The following PRKAR2B variants were observed in gnomAD, a reference collection of about 807,000 sequenced individuals.
PRKAR2B encodes protein kinase cAMP-dependent type II regulatory subunit beta.
PRKAR2B carries 14 observed loss-of-function variants against 49.9 expected under a neutral mutation model. That is an observed-to-expected ratio of 0.28 (90% confidence interval 0.19 to 0.44). PRKAR2B has a LOEUF of 0.44. Ranked by LOEUF, PRKAR2B falls within the 20% of genes least tolerant of loss-of-function variation. The pLI, the probability that PRKAR2B is intolerant of heterozygous loss-of-function variation, is 1.00. For synonymous variants in PRKAR2B, 196 were observed against 197.7 expected (o/e 0.99, Z 0.07); for missense variants, 393 against 537.9 (o/e 0.73, Z 2.67).
chr7:107,112,174 TAAAAAAAAAAAAAAAAA>T (rs749209141), intron 2 of PRKAR2B, among the ~76,000 whole-genome samples: 2 of 44,800 alleles, frequency 4.5e-5, no homozygotes, highest in South Asian at 8.3e-4. Context: ...ACTGTGTCTC[TAAAAAAAAAAAAAAAAA>T]AAAAAAAAAG....
intron 1 of PRKAR2B, chr7:107,066,815 A>G: frequency 6.6e-6 from 1 of 151,898 alleles, no homozygotes; most frequent in East Asian, 1.9e-4. Flanking sequence ...ACTTCAGGTG[A>G]TCTGCCTACC....
intron 2 of PRKAR2B, among the ~76,000 whole-genome samples, chr7:107,099,749 C>T (rs561507177): frequency 6.6e-6 from 1 of 151,872 alleles, no homozygotes; most frequent in Non-Finnish European, 1.5e-5. Context: ...TGCCATTCTC[C>T]TTAGCCTCCT....
intron 3 of PRKAR2B, among the ~76,000 whole-genome samples, chr7:107,122,757 A>C (rs1447415293): frequency 1.3e-5 from 2 of 152,196 alleles, no homozygotes; most frequent in African/African-American, 4.8e-5. Flanking sequence ...AGAAGCAGCT[A>C]CTACGTCCCT....
At chr7:107,062,536 C>T (rs751214964) in intron 1 of PRKAR2B, among the ~76,000 whole-genome samples, 1 of 152,124 alleles carries the variant, frequency 6.6e-6, no homozygotes, top group South Asian at 2.1e-4. Context: ...GAAATCCTAA[C>T]AAGTAATTGC....
chr7:107,143,366 A>G (rs1795823771), intron 5 of PRKAR2B, among the ~76,000 whole-genome samples: 1 of 152,214 alleles, frequency 6.6e-6, no homozygotes, highest in South Asian at 2.1e-4. Context: ...GCAGGCACAC[A>G]ACAGCTTATT....
chr7:107,068,476 G>T (rs924130602), intron 1 of PRKAR2B: 4 of 152,086 alleles, frequency 2.6e-5, no homozygotes, highest in African/African-American at 7.2e-5. Context: ...CAAAAAAGGG[G>T]TTTGAAAACT....
intron 2 of PRKAR2B, among the ~76,000 whole-genome samples, chr7:107,114,902 A>C (rs1259614586): frequency 6.6e-6 from 1 of 152,170 alleles, no homozygotes; most frequent in African/African-American, 2.4e-5. Context: ...ATAAAAAGGA[A>C]TTAGTAAATT....
At chr7:107,084,337 G>A (rs1794574671) in intron 2 of PRKAR2B, among the ~76,000 whole-genome samples, 1 of 151,952 alleles carries the variant, frequency 6.6e-6, no homozygotes, top group Non-Finnish European at 1.5e-5. Flanking sequence ...GTCAATCTGA[G>A]TGATTCAGAT....
rs543727040 is a variant in PRKAR2B, at chr7:107,058,776, A to G, written c.308-11505A>G. ...ATTTTAGGAGCACATTTTACATTAA[A>G]GTACATTTTGAACTAATTTGGTTGG... is the stretch of plus-strand genomic sequence containing the variant. On this transcript the variant is annotated intron_variant, in intron 1 of 10. Transcript: ENST00000265717. Among the ~76,000 whole-genome samples, 216 of 152,384 alleles carry G rather than the reference A, an allele frequency of 1.4e-3. 1 individual carries two copies. Among genetic ancestry groups the G allele is most frequent in the South Asian group, 2.9e-3 (14 of 4,834 alleles).
chr7:107,161,262 GT>G lies in PRKAR2B; in HGVS notation c.*1681del, dbSNP rs1796192985. 1 of 152,258 alleles carries G rather than the reference GT, an allele frequency of 6.6e-6. No individual in the cohort carries two copies. The highest frequency in any genetic ancestry group is 1.5e-5 in the Non-Finnish European group (1 of 68,028). The allele number at this position is 152,258 out of a possible 1,614,324, so 9.4% of individuals were successfully genotyped here. A position where few individuals can be genotyped will look rare whatever the true frequency, so the allele number is the denominator to read the frequency against. On this transcript the variant is annotated 3_prime_UTR_variant, in exon 11 of 11. Coordinates refer to ENST00000265717, the MANE Select transcript of PRKAR2B (RefSeq NM_002736.3). ...TTTCAGATTTTATTTTAAAAGCCAT[GT>G]CTGTTAAACAAGAAAAAACACAAAA...
intron 1 of PRKAR2B, among the ~76,000 whole-genome samples, chr7:107,055,665 A>AT (rs1163988654): frequency 1.3e-5 from 2 of 151,836 alleles, no homozygotes; most frequent in African/African-American, 4.8e-5. Context: ...GGGTTGGTTG[A>AT]TTTTTTCTTG....
At chr7:107,144,523 CA>C (rs1213856398) in intron 5 of PRKAR2B, among the ~76,000 whole-genome samples, 25 of 152,058 alleles carry the variant, frequency 1.6e-4, no homozygotes, top group Non-Finnish European at 2.6e-4. Context: ...TGCAGTGGTG[CA>C]GTCACAGCTC....
intron 2 of PRKAR2B, among the ~76,000 whole-genome samples, chr7:107,115,723 T>G (rs1189177018): frequency 6.6e-6 from 1 of 152,194 alleles, no homozygotes; most frequent in East Asian, 1.9e-4. Flanking sequence ...CAAATGGTTT[T>G]TTTGATAGTC....
At chr7:107,074,834 GGTA>G (rs879819977) in intron 2 of PRKAR2B, among the ~76,000 whole-genome samples, 20 of 151,890 alleles carry the variant, frequency 1.3e-4, no homozygotes, top group Admixed American at 3.3e-4. Context: ...ATTTAGTGGT[GGTA>G]GTAGTAGTAG....
intron 1 of PRKAR2B, among the ~76,000 whole-genome samples, chr7:107,059,393 C>A (rs1793981883): frequency 6.6e-6 from 1 of 152,154 alleles, no homozygotes; most frequent in Non-Finnish European, 1.5e-5. Context: ...TAACCACCAC[C>A]ATGATGCATT....
chr7:107,094,880 A>C (rs1794805729), intron 2 of PRKAR2B, among the ~76,000 whole-genome samples: 3 of 152,006 alleles, frequency 2.0e-5, no homozygotes, highest in East Asian at 1.9e-4. Flanking sequence ...TGTTTTGGTA[A>C]CAGTACCATG....
At chr7:107,053,867 G>C (rs974994802) in intron 1 of PRKAR2B, among the ~76,000 whole-genome samples, 1 of 152,116 alleles carries the variant, frequency 6.6e-6, no homozygotes, top group Non-Finnish European at 1.5e-5. Context: ...CTAAAGTTTA[G>C]AATAGTTGAA....
chr7:107,107,428 C>G (rs1006377158), intron 2 of PRKAR2B, among the ~76,000 whole-genome samples: 2 of 151,972 alleles, frequency 1.3e-5, no homozygotes, highest in Admixed American at 6.5e-5. Context: ...AAATTAGTTT[C>G]TTTTTAAGCG....
At chr7:107,154,536 G>T (rs1314635488) in intron 8 of PRKAR2B, among the ~76,000 whole-genome samples, 3 of 152,104 alleles carry the variant, frequency 2.0e-5, no homozygotes, top group Non-Finnish European at 4.4e-5. Context: ...TATACTTAGG[G>T]TTTATTAAGG....
Sources: gnomAD v4.1 joint callset for allele counts (sites outside exome capture counted in the v4.1 genomes callset) on GRCh38, gnomAD v4.1.1 for gene constraint, MANE v1.5 for transcripts, NCBI Gene and HGNC (gene_info 2026-07-23, HGNC 2026-07-21) for gene names.